Variants in JAM2 observed in about 807,000 individuals in gnomAD.
JAM2 encodes junctional adhesion molecule 2.
Under a neutral mutation model 42.0 loss-of-function variants are expected in JAM2, and 17 were observed. The observed-to-expected ratio is 0.40, with a 90% CI of 0.28 to 0.61. The LOEUF is 0.61. Ranked by LOEUF, JAM2 falls within the 20% of genes least tolerant of loss-of-function variation. The pLI, the probability that JAM2 is intolerant of heterozygous loss-of-function variation, is 0.37. For synonymous variants in JAM2, 118 were observed against 128.6 expected, an observed-to-expected ratio of 0.92 and a Z score of 0.56; for missense variants, 319 against 358.3, an observed-to-expected ratio of 0.89 and a Z score of 0.89.
chr21:25,688,313 C>T (rs199615857), intron 2 of JAM2, among the ~76,000 whole-genome samples: 21,974 of 151,792 alleles, frequency 0.14, 1,864 homozygotes, highest in South Asian at 0.26. Flanking sequence ...CACACACATG[C>T]GTATCTAAAT....
At chr21:25,711,958 C>T (rs1449217127) in intron 8 of JAM2, 3 of 222,838 alleles carry the variant, frequency 1.3e-5, no homozygotes, top group Non-Finnish European at 2.7e-5. Context: ...CACTAGTCAC[C>T]ATGTAAAACT....
In JAM2 at chr21:25,711,402, A is replaced by G. The variant is rs1272135006; in HGVS notation, c.822-938A>G. ...CCTAACTTTGGCTCTATGGGCGTAG[A>G]GAGAAGATGGATGACAAACTATCTG... is the stretch of plus-strand genomic sequence containing the variant. On this transcript the variant is annotated intron_variant, in intron 8 of 9. Transcript: ENST00000480456. The G allele has an allele frequency of 8.8e-6, 4 of 456,166 alleles. No homozygotes were observed. In the East Asian group the frequency reaches 2.8e-4, roughly 32 times the overall value. The allele number at this position is 456,166 out of a possible 1,614,324, so 28.3% of individuals were successfully genotyped here.
In JAM2 at chr21:25,639,880, C is replaced by T. The variant is rs200307795; in HGVS notation, c.59C>T (p.Ala20Val). 3 of 1,591,404 alleles carry T rather than the reference C, an allele frequency of 1.9e-6. No homozygotes were observed. The highest frequency in any genetic ancestry group is 1.3e-5 in the African/African-American group (1 of 74,642). Residue 20 changes from alanine (A) to valine (V), a missense_variant, in exon 1 of 10, where the codon GCC (alanine) becomes GTC (valine). Ala to Val is a moderately conservative substitution (Grantham distance 64). Transcript: ENST00000480456. ...LLLLLRYLVVALGYHKAYGFS... is the reference protein window; with the variant it reads ...LLLLLRYLVVVLGYHKAYGFS... ...CTGCTGCTGCGCTACCTGGTGGTCG[C>T]CCTGGGCTGTAAGTTGCTCGGGTTC...
chr21:25,641,939 G>C (rs528380450), intron 1 of JAM2, among the ~76,000 whole-genome samples: 3 of 152,098 alleles, frequency 2.0e-5, no homozygotes, highest in Non-Finnish European at 4.4e-5. Context: ...CTGTTTCTCT[G>C]ATATTTTTCT....
Position 25,639,719 on chromosome 21 carries a change from C to G in JAM2, c.-103C>G. The G allele has an allele frequency of 1.4e-6, 1 of 701,738 alleles. No individual in the cohort carries two copies. Among genetic ancestry groups the G allele is most frequent in the Non-Finnish European group, 2.4e-6 (1 of 418,668 alleles). The allele number at this position is 701,738 out of a possible 1,614,324, so 43.5% of individuals were successfully genotyped here. ...CTCCTCTTCCTCCCCTCCCGACTCT[C>G]TGCTCCTTTCCCGCCCCAGAAGTTC... is the stretch of plus-strand genomic sequence containing the variant. On this transcript the variant is annotated 5_prime_UTR_variant, in exon 1 of 10. Transcript: ENST00000480456.
At chr21:25,663,552 A>C (rs2033144104) in intron 1 of JAM2, among the ~76,000 whole-genome samples, 1 of 152,192 alleles carries the variant, frequency 6.6e-6, no homozygotes, top group Non-Finnish European at 1.5e-5. Flanking sequence ...GGATTAACCC[A>C]TTCATAGATT....
chr21:25,706,985 A>G (rs1226210525), intron 7 of JAM2, among the ~76,000 whole-genome samples: 2 of 150,984 alleles, frequency 1.3e-5, no homozygotes, highest in African/African-American at 2.4e-5. Context: ...TGATCCACCC[A>G]CCTTGGCCTC....
chr21:25,684,107 T>G (rs2033698384), intron 2 of JAM2, among the ~76,000 whole-genome samples, 159 bp downstream of exon 2: 1 of 152,160 alleles, frequency 6.6e-6, no homozygotes, highest in South Asian at 2.1e-4. Context: ...CTCAAGAACA[T>G]TTACTCCACC....
intron 5 of JAM2, among the ~76,000 whole-genome samples, chr21:25,701,463 C>T (rs756534865): frequency 7.7e-5 from 11 of 142,548 alleles, no homozygotes; most frequent in Non-Finnish European, 1.2e-4. Context: ...TTTCTTTTCT[C>T]CTCTTCTTCC....
At chr21:25,680,801 G>A (rs1283802377) in intron 1 of JAM2, among the ~76,000 whole-genome samples, 2 of 146,664 alleles carry the variant, frequency 1.4e-5, no homozygotes, top group Non-Finnish European at 3.0e-5. Context: ...GATGACGATC[G>A]ATGGATGGAT....
At chr21:25,689,204 G>T (rs943118850) in intron 2 of JAM2, among the ~76,000 whole-genome samples, 3 of 152,168 alleles carry the variant, frequency 2.0e-5, no homozygotes, top group Non-Finnish European at 4.4e-5. Context: ...CTGAGGCAAG[G>T]TTATATAGGC....
chr21:25,714,509 T>C, intron 9 of JAM2, 131 bp from the exon 10 acceptor site: 1 of 680,514 alleles, frequency 1.5e-6, no homozygotes, highest in Non-Finnish European at 2.3e-6. Context: ...AAAAATAAAA[T>C]AAATAAATAA....
intron 1 of JAM2, among the ~76,000 whole-genome samples, chr21:25,671,618 G>C (rs1304198821): frequency 6.6e-6 from 1 of 152,008 alleles, no homozygotes; most frequent in Non-Finnish European, 1.5e-5. Context: ...TGAGTCTCCT[G>C]CCTCAGCCTC....
At chr21:25,660,782 A>ATATATATATATATAT (rs1555861055) in intron 1 of JAM2, among the ~76,000 whole-genome samples, 1 of 41,318 alleles carries the variant, frequency 2.4e-5, no homozygotes, top group Non-Finnish European at 3.7e-5. Flanking sequence ...ATATATATAT[A>ATATATATATATATAT]TTTTTTTTTT....
rs1440446475 is a variant in JAM2, at chr21:25,698,774, TG to T, written c.493del (p.Glu165AsnfsTer12). 2 of 1,614,176 alleles carry T rather than the reference TG, an allele frequency of 1.2e-6. No homozygotes were observed. The highest frequency in any genetic ancestry group is 3.3e-5 in the Admixed American group (2 of 60,022). ...AAGACAAAGAAGGGAATCCAGCTCC[TG>T]AATACACATGGTTTAAGGATGGCAT... is the stretch of plus-strand genomic sequence containing the variant. ...CQDKEGNPAP[E>X]YTWFKDGIRL... On this transcript the variant is annotated frameshift_variant, in exon 5 of 10. Transcript: ENST00000480456. LOFTEE classifies it high-confidence loss of function.
chr21:25,662,232 A>G (rs964168641), intron 1 of JAM2, among the ~76,000 whole-genome samples: 2 of 152,062 alleles, frequency 1.3e-5, no homozygotes, highest in African/African-American at 4.8e-5. Flanking sequence ...CTGCAGCCTC[A>G]ACCTCCTTGG....
At chr21:25,654,384 C>G (rs1179564592) in intron 1 of JAM2, among the ~76,000 whole-genome samples, 1 of 152,154 alleles carries the variant, frequency 6.6e-6, no homozygotes, top group Admixed American at 6.5e-5. Flanking sequence ...TGCTGTGGCT[C>G]ACGCCTGTAA....
At chr21:25,677,729 C>T (rs773182601) in intron 1 of JAM2, among the ~76,000 whole-genome samples, 4 of 152,106 alleles carry the variant, frequency 2.6e-5, no homozygotes, top group African/African-American at 7.2e-5. Flanking sequence ...AGGTTTTCCT[C>T]GACTGGTTTT....
In JAM2 at chr21:25,653,887, G is replaced by A. The variant is rs572251199; in HGVS notation, c.67+13999G>A. On this transcript the variant is annotated intron_variant, in intron 1 of 9. Transcript: ENST00000480456. ...TTTAGCCAAACTGGAGGCAAGATGA[G>A]AGTCAAAAGAGAAAACATATACTGA... 2.2e-3 allele frequency among the ~76,000 whole-genome samples: 333 copies of A among 152,270 alleles called. 2 individuals are homozygous for A. Among genetic ancestry groups the A allele is most frequent in the South Asian group, 0.017 (81 of 4,826 alleles).
Sources: gnomAD v4.1 joint callset for allele counts (sites outside exome capture counted in the v4.1 genomes callset) on GRCh38, gnomAD v4.1.1 for gene constraint, MANE v1.5 for transcripts, NCBI Gene and HGNC (gene_info 2026-07-23, HGNC 2026-07-21) for gene names.